Variants in TAS1R2 observed in about 807,000 individuals in gnomAD.
The protein encoded by TAS1R2 is taste 1 receptor member 2, also known as taste receptor type 1 member 2.
A neutral mutation model predicts 49.3 loss-of-function variants in TAS1R2; 47 were observed. The ratio of observed to expected loss-of-function variants is 0.95; its 90% CI spans 0.75 to 1.22. The LOEUF (loss-of-function observed/expected upper bound fraction) is 1.22. Among genes scored for constraint, TAS1R2 ranks in the 50% most tolerant of loss-of-function variants. TAS1R2 has a pLI of 0.00. For missense variants in TAS1R2, 1,155 were observed against 1,122.1 expected (o/e 1.03, Z -0.42); for synonymous variants, 479 against 467.9 (o/e 1.02, Z -0.31).
chr1:18,857,350 G>T (rs777536600), exon 2 of TAS1R2: 5 of 1,614,024 alleles, frequency 3.1e-6, no homozygotes, highest in Admixed American at 1.7e-5. Flanking sequence ...GAGAAATAGG[G>T]AGAGGAAGTT....
intron 4 of TAS1R2, among the ~76,000 whole-genome samples, chr1:18,847,061 C>T (rs1933935055): frequency 1.3e-5 from 2 of 152,218 alleles, no homozygotes; most frequent in Non-Finnish European, 2.9e-5. Flanking sequence ...GGCCTCCCCA[C>T]AAGCTGAGCA....
At chr1:18,843,198 G>A (rs965960253) in intron 4 of TAS1R2, among the ~76,000 whole-genome samples, 6 of 152,158 alleles carry the variant, frequency 3.9e-5, no homozygotes, top group South Asian at 2.1e-4. Context: ...AGAATATCAC[G>A]CTGGTCTATG....
chr1:18,859,621 GGAA>G (rs762892031), exon 1 of TAS1R2: 4 of 1,614,246 alleles, frequency 2.5e-6, no homozygotes, highest in Non-Finnish European at 3.4e-6. Context: ...ACCCATAGGA[GGAA>G]GAACAGGGAG....
In TAS1R2 at chr1:18,857,386, T is replaced by C. The variant is rs376081630; in HGVS notation, c.428A>G (p.Asn143Ser). 5.9e-5 allele frequency: 95 copies of C among 1,613,866 alleles called. 1 individual carries two copies. The African/African-American group carries it at 1.2e-3, about 20-fold the overall frequency. Residue 143 changes from asparagine (N) to serine (S), a missense_variant, in exon 2 of 6, where the codon AAC becomes AGC. Asn to Ser is a conservative substitution (Grantham distance 46). Transcript: ENST00000375371. ...GGCCACAGTCATGACAGACTCGGAGTTGTCAGGGCCAATGACAGCCACCAC... is the reference window on the plus strand; with the variant it reads ...GGCCACAGTCATGACAGACTCGGAGCTGTCAGGGCCAATGACAGCCACCAC...
At chr1:18,853,295 G>A (rs1237403925) in intron 3 of TAS1R2, among the ~76,000 whole-genome samples, 1 of 152,136 alleles carries the variant, frequency 6.6e-6, no homozygotes, top group Non-Finnish European at 1.5e-5. Context: ...TGATAATTAT[G>A]TATATTATTA....
intron 3 of TAS1R2, among the ~76,000 whole-genome samples, 189 bp from the exon 4 acceptor site, chr1:18,849,739 A>G (rs138637930): frequency 2.9e-3 from 440 of 152,328 alleles, no homozygotes; most frequent in Non-Finnish European, 3.1e-3. Context: ...GGAGCCAGAC[A>G]CATCTGGGTT....
intron 4 of TAS1R2, among the ~76,000 whole-genome samples, chr1:18,842,091 G>A (rs1933841610): frequency 6.6e-6 from 1 of 152,148 alleles, no homozygotes; most frequent in Non-Finnish European, 1.5e-5. Flanking sequence ...TTTCCTCAAG[G>A]GAAACCATTT....
At position 18,854,397 on chromosome 1, in the gene TAS1R2, G is replaced by T. The variant is rs1221184361; in HGVS notation, c.1073C>A (p.Thr358Asn). ...GCAGTTGTCGCACTCCTGGTTGCAG[G>T]TATAGCTCTGGCTGGTCCTGCTGAG... is the stretch of plus-strand genomic sequence containing the variant. The change falls in exon 3 of 6, where the codon ACC becomes AAC. Residue 358 changes from threonine to asparagine, a missense_variant. Thr to Asn is a moderately conservative substitution (Grantham distance 65). Transcript: ENST00000375371. The surrounding 1 kb of genome is among the most constrained non-coding windows in gnomAD (Gnocchi z 4.9). 2 of 1,613,854 alleles carry T rather than the reference G, an allele frequency of 1.2e-6. No individual in the cohort carries two copies. Among genetic ancestry groups the T allele is most frequent in the Non-Finnish European group, 1.7e-6 (2 of 1,179,950 alleles).
intron 3 of TAS1R2, among the ~76,000 whole-genome samples, chr1:18,853,877 A>G (rs1397276664): frequency 1.3e-5 from 2 of 152,090 alleles, no homozygotes; most frequent in Non-Finnish European, 2.9e-5. Context: ...AAGACCCACA[A>G]AAGCAATTCA....
chr1:18,840,094 G>A (rs201628836), exon 6 of TAS1R2: 1 of 1,614,282 alleles, frequency 6.2e-7, no homozygotes, highest in South Asian at 1.1e-5. Flanking sequence ...AGGGCCCCTG[G>A]TAGCGGACCC....
intron 3 of TAS1R2, among the ~76,000 whole-genome samples, chr1:18,850,838 C>A (rs1172081154): frequency 1.3e-5 from 2 of 152,214 alleles, no homozygotes; most frequent in Non-Finnish European, 2.9e-5. Flanking sequence ...ATAAGCTGTA[C>A]ATTTAAGGCA....
exon 6 of TAS1R2, chr1:18,840,151 G>T (rs1471240824): frequency 6.2e-7 from 1 of 1,614,254 alleles, no homozygotes; most frequent in African/African-American, 1.3e-5. Flanking sequence ...TGAAGGCGCA[G>T]ACGATCTGGA....
intron 4 of TAS1R2, 95 bp from the exon 5 acceptor site, chr1:18,841,947 G>A: frequency 7.7e-7 from 1 of 1,299,388 alleles, no homozygotes; most frequent in Non-Finnish European, 1.0e-6. Context: ...AGGGGAGGAA[G>A]CCTAGAAGCC....
rs779808414 is a variant in TAS1R2, at chr1:18,840,543, C to T, written c.1592-16G>A. On this transcript the variant is annotated splice_polypyrimidine_tract_variant and intron_variant, in intron 5 of 5. Coordinates refer to ENST00000375371, the Ensembl canonical transcript of TAS1R2. ...TCATATTCATCTGCAAAAGCCACAG[C>T]GACTCCCATTAGCCAAGCCCATCTT... The T allele has an allele frequency of 5.2e-5, 84 of 1,613,858 alleles. No individual in the cohort carries two copies. The highest frequency in any genetic ancestry group is 6.7e-5 in the African/African-American group (5 of 74,914).
chr1:18,854,531 G>T lies in TAS1R2; in HGVS notation c.939C>A (p.Leu313=), dbSNP rs768764872. 6.2e-7 allele frequency: 1 copy of T among 1,613,854 alleles called. No homozygotes were observed. Among genetic ancestry groups the T allele is most frequent in the Non-Finnish European group, 8.5e-7 (1 of 1,179,854 alleles). ...AGGTGCCCAAGTGGCGCAGCTCCGT[G>T]AGGTTGTGCAGGACCGGGTCGATGG... The change falls in exon 3 of 6, where the codon CTC becomes CTA. Residue 313 remains leucine, a synonymous_variant. Coordinates refer to ENST00000375371, the Ensembl canonical transcript of TAS1R2. This position sits in a 1 kb window ranked among gnomAD's most constrained non-coding sequence, Gnocchi z 4.9.
chr1:18,849,512 C>A, exon 4 of TAS1R2: 1 of 1,614,196 alleles, frequency 6.2e-7, no homozygotes, highest in Non-Finnish European at 8.5e-7. Flanking sequence ...TTTGGTGGTC[C>A]AGGAGAGTGA....
chr1:18,858,628 T>G (rs1934185024), intron 1 of TAS1R2, among the ~76,000 whole-genome samples: 1 of 152,176 alleles, frequency 6.6e-6, no homozygotes, highest in African/African-American at 2.4e-5. Context: ...CTTTTTATCA[T>G]TGTCATCATC....
At chr1:18,846,824 C>T (rs747146369) in intron 4 of TAS1R2, among the ~76,000 whole-genome samples, 8 of 152,174 alleles carry the variant, frequency 5.3e-5, no homozygotes, top group Admixed American at 1.3e-4. Context: ...TAGTCCCCAG[C>T]GTTGGAGGTG....
intron 4 of TAS1R2, 130 bp from the exon 5 acceptor site, chr1:18,841,982 T>C: frequency 1.9e-6 from 1 of 521,034 alleles, no homozygotes. Flanking sequence ...GTGGAAACTG[T>C]AGAAAAAAAA....
Sources: gnomAD v4.1 joint callset for allele counts (sites outside exome capture counted in the v4.1 genomes callset) on GRCh38, gnomAD v4.1.1 for gene constraint, Gnocchi (gnomAD v3.1) non-coding constraint, MANE v1.5 for transcripts, NCBI Gene and HGNC (gene_info 2026-07-23, HGNC 2026-07-21) for gene names.